SLC24A1: variants seen among roughly 807,000 people sequenced by gnomAD.
SLC24A1 encodes the protein sodium/potassium/calcium exchanger 1.
A neutral mutation model predicts 88.1 loss-of-function variants in SLC24A1; 52 were observed. The observed-to-expected ratio is 0.59, with a 90% CI of 0.47 to 0.74. SLC24A1 has a LOEUF of 0.74. SLC24A1 is among the 30% of genes least tolerant of loss of function. The pLI is 0.00. For synonymous variants in SLC24A1, 455 were observed against 498.0 expected (o/e 0.91, Z 1.15); for missense variants, 1,173 against 1,363.3 (o/e 0.86, Z 2.20).
In SLC24A1 at chr15:65,653,867, G is replaced by A; in HGVS notation, c.3088G>A (p.Gly1030Arg). The change falls in exon 10 of 10, where the codon GGA becomes AGA. Residue 1030 changes from glycine to arginine, a missense_variant. Physicochemically the swap from Gly to Arg is moderately radical, Grantham distance 125. Transcript: ENST00000261892. The stretch of plus-strand genomic sequence containing the variant: ...TTGGTTGCTTTTCTCTCTTATCAAT[G>A]GATTACAGCCAGTTCCAGTCAGCAG... ...VPWLLFSLINGLQPVPVSSNG... is the reference protein window; with the variant it reads ...VPWLLFSLINRLQPVPVSSNG... 1 of 1,613,820 alleles carries A rather than the reference G, an allele frequency of 6.2e-7. No homozygotes were observed. The highest frequency in any genetic ancestry group is 8.5e-7 in the Non-Finnish European group (1 of 1,179,752).
At chr15:65,646,874 T>C (rs539875119) in intron 6 of SLC24A1, among the ~76,000 whole-genome samples, 1 of 152,318 alleles carries the variant, frequency 6.6e-6, no homozygotes, top group East Asian at 1.9e-4. Flanking sequence ...CATGAGTAGG[T>C]CTATTACCGC....
chr15:65,622,443 G>A (rs901083417), intron 1 of SLC24A1, among the ~76,000 whole-genome samples: 23 of 152,288 alleles, frequency 1.5e-4, no homozygotes, highest in Middle Eastern at 3.4e-3. Context: ...CACTAGCTGT[G>A]TGATGTTAAG....
At chr15:65,638,955 T>C (rs1460453588) in intron 3 of SLC24A1, among the ~76,000 whole-genome samples, 1 of 152,188 alleles carries the variant, frequency 6.6e-6, no homozygotes, top group East Asian at 1.9e-4. Context: ...CTGTACAGTA[T>C]AGATGTGTGT....
At chr15:65,660,467 G>A (rs1250523512), downstream of SLC24A1, 4 of 552,304 alleles carry the variant, frequency 7.2e-6, no homozygotes, top group Admixed American at 1.4e-4. Flanking sequence ...CTTTAAAGCT[G>A]GCTAGGGAAT....
Position 65,650,931 on chromosome 15 carries a change from G to A in SLC24A1, c.2782G>A (p.Val928Ile), listed in dbSNP as rs536096021. The A allele has an allele frequency of 6.9e-5, 112 of 1,613,866 alleles. No individual in the cohort carries two copies. Among genetic ancestry groups the A allele is most frequent in the East Asian group, 1.8e-4 (8 of 44,860 alleles). Residue 928 changes from valine to isoleucine, a missense_variant, in exon 7 of 10, where the codon GTC (valine) becomes ATC (isoleucine). Val to Ile is a conservative substitution (Grantham distance 29, BLOSUM62 3). Coordinates refer to ENST00000261892, the MANE Select transcript of SLC24A1 (RefSeq NM_004727.3). The surrounding 1 kb of genome is among the most constrained non-coding windows in gnomAD (Gnocchi z 4.1). ...CCCACTGTGGCTGACAGTCCCCGAC[G>A]TCCGAAGGCAGGTGAGTGTGCCCAT... is the stretch of plus-strand genomic sequence containing the variant. ...VFPLWLTVPD[V>I]RRQESRKFFV...
chr15:65,613,253 GA>G (rs1451423879), intron 2 of SLC24A1, among the ~76,000 whole-genome samples: 1 of 152,160 alleles, frequency 6.6e-6, no homozygotes, highest in African/African-American at 2.4e-5. Context: ...CAAAGGCTTT[GA>G]AAGGCAGTGT....
downstream of SLC24A1, chr15:65,659,246 T>C (rs563022059): frequency 6.6e-6 from 1 of 151,930 alleles, no homozygotes; most frequent in South Asian, 2.1e-4. Flanking sequence ...TTGGCCATTA[T>C]TCTCCAAAAT....
chr15:65,638,759 T>C (rs2075022264), intron 3 of SLC24A1, among the ~76,000 whole-genome samples: 1 of 151,798 alleles, frequency 6.6e-6, no homozygotes, highest in Non-Finnish European at 1.5e-5. Context: ...TGTGGTGAAG[T>C]AGTGTCACCA....
At position 65,650,314 on chromosome 15, in the gene SLC24A1, G is replaced by T; in HGVS notation, c.2233-68G>T. On this transcript the variant is annotated intron_variant, in intron 6 of 9. Transcript: ENST00000261892. This position sits in a 1 kb window ranked among gnomAD's most constrained non-coding sequence, Gnocchi z 4.1. ...CTGAGAAGCACGCCAACAAAAAAAT[G>T]GGGGAGTAACATAAGGAAAACAAGC... The T allele has an allele frequency of 7.6e-7, 1 of 1,315,910 alleles. No homozygotes were observed. The highest frequency in any genetic ancestry group is 1.4e-5 in the South Asian group (1 of 70,480). 81.5% of individuals were successfully genotyped at this position (1,315,910 alleles called of 1,614,324 possible). A position where few individuals can be genotyped will look rare whatever the true frequency, so the allele number is the denominator to read the frequency against.
chr15:65,622,658 T>C (rs1019536443), intron 1 of SLC24A1, among the ~76,000 whole-genome samples: 4 of 152,212 alleles, frequency 2.6e-5, no homozygotes, highest in African/African-American at 9.6e-5. Context: ...TGCCCTTCTT[T>C]ATAAAATGAG....
rs746746647 is a variant in SLC24A1, at chr15:65,625,554, G to A, written c.1474G>A (p.Glu492Lys). The A allele has an allele frequency of 7.4e-6, 12 of 1,614,038 alleles. No individual in the cohort carries two copies. Among genetic ancestry groups the A allele is most frequent in the Admixed American group, 3.3e-5 (2 of 60,024 alleles). The change falls in exon 2 of 10, where the codon GAG becomes AAG. Residue 492 changes from glutamate (E) to lysine (K), a missense_variant. Glu to Lys is a moderately conservative substitution (Grantham distance 56, BLOSUM62 1). Transcript: ENST00000261892. ...CATCACAGACAAGCTGCAGATCTCC[G>A]AGGATGTGGCAGGCGCCACATTCAT... is the stretch of plus-strand genomic sequence containing the variant. ...GVITDKLQIS[E>K]DVAGATFMAA...
chr15:65,623,352 G>C (rs1047510966), intron 1 of SLC24A1, among the ~76,000 whole-genome samples: 10 of 152,074 alleles, frequency 6.6e-5, no homozygotes, highest in African/African-American at 1.9e-4. Context: ...AGGGAGTCTA[G>C]GCTTTCAACT....
chr15:65,650,874 G>C lies in SLC24A1; in HGVS notation c.2725G>C (p.Ala909Pro). ...LDWPETRQKQ[A>P]IYLFLLPIVF... ...CTGGCCTGAAACCAGGCAGAAGCAG[G>C]CCATTTACCTCTTCCTTCTGCCCAT... Residue 909 changes from alanine (A) to proline (P), a missense_variant, in exon 7 of 10, where the codon GCC becomes CCC. Coordinates refer to ENST00000261892, the MANE Select transcript of SLC24A1 (RefSeq NM_004727.3). The surrounding 1 kb of genome is among the most constrained non-coding windows in gnomAD (Gnocchi z 4.1). 6.2e-7 allele frequency: 1 copy of C among 1,613,974 alleles called. No individual in the cohort carries two copies. The highest frequency in any genetic ancestry group is 8.5e-7 in the Non-Finnish European group (1 of 1,179,894).
At chr15:65,628,489 A>G (rs1445241828) in intron 2 of SLC24A1, among the ~76,000 whole-genome samples, 1 of 152,236 alleles carries the variant, frequency 6.6e-6, no homozygotes, top group East Asian at 1.9e-4. Context: ...TAGTGAGACA[A>G]AGGAGTCAGG....
At position 65,655,235 on chromosome 15, in the gene SLC24A1, A is replaced by G; in HGVS notation, c.*1156A>G. 1.0e-6 allele frequency: 1 copy of G among 985,802 alleles called. No homozygotes were observed. 61.1% of individuals were successfully genotyped at this position (985,802 alleles called of 1,614,324 possible). A position where few individuals can be genotyped will look rare whatever the true frequency, so the allele number is the denominator to read the frequency against. Reference sequence around the variant, plus strand: ...TCATTCTAAAGAGTCCAAAGTCAGTAGCGCCACATCTGGTTTATAAAGTAA... The same window carrying G: ...TCATTCTAAAGAGTCCAAAGTCAGTGGCGCCACATCTGGTTTATAAAGTAA... On this transcript the variant is annotated 3_prime_UTR_variant, in exon 10 of 10. Transcript: ENST00000261892.
chr15:65,625,071 A>C lies in SLC24A1; in HGVS notation c.991A>C (p.Ser331Arg), dbSNP rs574082600. 6.2e-7 allele frequency: 1 copy of C among 1,613,766 alleles called. No homozygotes were observed. Among genetic ancestry groups the C allele is most frequent in the Non-Finnish European group, 8.5e-7 (1 of 1,179,864 alleles). Reference protein sequence around the residue: ...GQVTISTMTGSSPAETKAFTA... With the variant: ...GQVTISTMTGRSPAETKAFTA... ...GGTGACAATAAGCACCATGACAGGC[A>C]GCAGCCCAGCAGAAACCAAAGCCTT... Residue 331 changes from serine (S) to arginine (R), a missense_variant, in exon 2 of 10, where the codon AGC becomes CGC. Transcript: ENST00000261892.
intron 8 of SLC24A1, chr15:65,652,286 A>G: frequency 3.6e-6 from 1 of 280,310 alleles, no homozygotes; most frequent in East Asian, 8.8e-5. Flanking sequence ...AAGTGTCCAC[A>G]TTCCTGGAAA....
intron 2 of SLC24A1, among the ~76,000 whole-genome samples, chr15:65,612,962 AGTTT>A (rs752704220): frequency 3.9e-5 from 6 of 152,358 alleles, no homozygotes; most frequent in Non-Finnish European, 7.3e-5. Context: ...TAGGGCAACT[AGTTT>A]GTTTGTTTGT....
At position 65,637,110 on chromosome 15, in the gene SLC24A1, TA is replaced by T. The variant is rs112218935; in HGVS notation, c.1891-1009del. Among the ~76,000 whole-genome samples, 576 of 151,454 alleles carry T rather than the reference TA, an allele frequency of 3.8e-3. 3 individuals carry two copies. The highest frequency in any genetic ancestry group is 0.013 in the African/African-American group (528 of 41,318). ...GTGAAAAGTTAAACAGTGCTTTTTT[TA>T]AAAAAAAAGTTCAAATGATATTACA... On this transcript the variant is annotated intron_variant, in intron 2 of 9. Coordinates refer to ENST00000261892, the MANE Select transcript of SLC24A1 (RefSeq NM_004727.3).
Sources: gnomAD v4.1 joint callset for allele counts (sites outside exome capture counted in the v4.1 genomes callset) on GRCh38, gnomAD v4.1.1 for gene constraint, Gnocchi (gnomAD v3.1) non-coding constraint, MANE v1.5 for transcripts, NCBI Gene and HGNC (gene_info 2026-07-23, HGNC 2026-07-21) for gene names.